KIF14: variants seen among roughly 807,000 people sequenced by gnomAD.
The protein encoded by KIF14 is kinesin family member 14.
A neutral mutation model predicts 176.2 loss-of-function variants in KIF14; 98 were observed. The ratio of observed to expected loss-of-function variants is 0.56; its 90% confidence interval spans 0.47 to 0.66. The LOEUF (loss-of-function observed/expected upper bound fraction) is 0.66. Among genes scored for constraint, KIF14 ranks in the 30% least tolerant of loss-of-function variants. The pLI is 0.00. For missense variants in KIF14, 1,751 were observed against 1,920.4 expected (o/e 0.91, Z 1.65); for synonymous variants, 566 against 632.2 (o/e 0.90, Z 1.57).
intron 4 of KIF14, among the ~76,000 whole-genome samples, 182 bp from the exon 5 acceptor site, chr1:200,609,110 G>T (rs1660028931): frequency 6.6e-6 from 1 of 152,110 alleles, no homozygotes; most frequent in South Asian, 2.1e-4. Flanking sequence ...CTCCAAAGAA[G>T]AACGTACAAA....
intron 14 of KIF14, among the ~76,000 whole-genome samples, chr1:200,596,127 A>G (rs1659326468): frequency 6.6e-6 from 1 of 151,796 alleles, no homozygotes; most frequent in South Asian, 2.1e-4. Flanking sequence ...GGTAACAGAC[A>G]TCTGCAATCC....
At position 200,614,403 on chromosome 1, in the gene KIF14, A is replaced by G; in HGVS notation, c.1370T>C (p.Met457Thr). 1 of 1,559,532 alleles carries G rather than the reference A, an allele frequency of 6.4e-7. No individual in the cohort carries two copies. Among genetic ancestry groups the G allele is most frequent in the East Asian group, 2.2e-5 (1 of 44,544 alleles). ...GQTGSGKSYT[M>T]MGFSEEPGII... ...TCCTGGTTCTTCACTAAATCCCATC[A>G]TCCTGAAAAATACATTATGAATAAG... The change falls in exon 4 of 30, where the codon ATG (methionine) becomes ACG (threonine). Residue 457 changes from methionine to threonine, a missense_variant and splice_region_variant. Physicochemically the swap from Met to Thr is moderately conservative, Grantham distance 81 (BLOSUM62 -1). Transcript: ENST00000367350.
At chr1:200,614,525 T>C (rs1243054824) in intron 3 of KIF14, 120 bp from the exon 4 acceptor site, 2 of 601,126 alleles carry the variant, frequency 3.3e-6, no homozygotes, top group Non-Finnish European at 5.8e-6. Flanking sequence ...TAATTAAGAA[T>C]CTGGACTCTG....
Position 200,568,596 on chromosome 1 carries a change from A to C in KIF14, c.3661+1315T>G, listed in dbSNP as rs1330682599. On this transcript the variant is annotated intron_variant, in intron 23 of 29. Transcript: ENST00000367350. ...TATATCTTAAGTGTACAGCTGATTT[A>C]TATATGTGTAAATCTGTAAACCCCA... Among the ~76,000 whole-genome samples, 6 of 152,296 alleles carry C rather than the reference A, an allele frequency of 3.9e-5. No individual in the cohort carries two copies. The East Asian group carries it at 1.2e-3, about 29-fold the overall frequency.
intron 22 of KIF14, among the ~76,000 whole-genome samples, chr1:200,574,968 A>C (rs1278801083): frequency 9.0e-6 from 1 of 111,698 alleles, no homozygotes; most frequent in African/African-American, 3.4e-5. Context: ...TTTGAGACGG[A>C]ATCTCGCTCT....
At position 200,600,429 on chromosome 1, in the gene KIF14, G is replaced by A; in HGVS notation, c.2227C>T (p.Leu743Phe). ...AAGGATGTTATTTCTTGCCGACAGAGCCTGTATCGTTCAGGGTCAATATTC... is the reference window on the plus strand; with the variant it reads ...AAGGATGTTATTTCTTGCCGACAGAACCTGTATCGTTCAGGGTCAATATTC... ...SRNIDPERYR[L>F]CRQEITSLRM... The change falls in exon 12 of 30, where the codon CTC (leucine) becomes TTC (phenylalanine). Residue 743 changes from leucine (L) to phenylalanine (F), a missense_variant. Transcript: ENST00000367350. 6.2e-7 allele frequency: 1 copy of A among 1,613,420 alleles called. No individual in the cohort carries two copies. Among genetic ancestry groups the A allele is most frequent in the Non-Finnish European group, 8.5e-7 (1 of 1,179,388 alleles).
chr1:200,580,414 T>C, intron 20 of KIF14, 31 bp from the exon 21 acceptor site: 1 of 1,393,168 alleles, frequency 7.2e-7, no homozygotes, highest in Non-Finnish European at 9.5e-7. Flanking sequence ...AAAAAGCTTA[T>C]CCTGAAACAT....
Position 200,620,742 on chromosome 1 carries a change from C to T in KIF14, c.-447G>A, listed in dbSNP as rs1571584775. On this transcript the variant is annotated 5_prime_UTR_variant, in exon 1 of 30. Transcript: ENST00000367350. ...CCAGCGCCGGCTCCCCAGAAGGCCGCAATTTGAATGGGCGCCCCGCCTTCT... is the reference window on the plus strand; with the variant it reads ...CCAGCGCCGGCTCCCCAGAAGGCCGTAATTTGAATGGGCGCCCCGCCTTCT... 6.6e-6 allele frequency: 1 copy of T among 152,358 alleles called. No individual in the cohort carries two copies. The highest frequency in any genetic ancestry group is 2.4e-5 in the African/African-American group (1 of 41,462). The allele number at this position is 152,358 out of a possible 1,614,324, so 9.4% of individuals were successfully genotyped here.
intron 14 of KIF14, among the ~76,000 whole-genome samples, chr1:200,597,605 G>A (rs1304280008): frequency 2.0e-5 from 3 of 152,192 alleles, no homozygotes; most frequent in Non-Finnish European, 4.4e-5. Flanking sequence ...GCCAATGGGA[G>A]TAAAAATTCA....
intron 4 of KIF14, among the ~76,000 whole-genome samples, chr1:200,611,881 T>C (rs1216974840): frequency 6.6e-6 from 1 of 152,224 alleles, no homozygotes; most frequent in Non-Finnish European, 1.5e-5. Flanking sequence ...GTCAATATAA[T>C]CTCTATTTTC....
intron 18 of KIF14, 82 bp from the exon 19 acceptor site, chr1:200,586,309 A>G: frequency 8.1e-7 from 1 of 1,241,500 alleles, no homozygotes; most frequent in East Asian, 2.5e-5. Flanking sequence ...GATGATGGAT[A>G]TGTTAATTTG....
chr1:200,605,240 AGGGT>A (rs1659816189), intron 8 of KIF14, 39 bp downstream of exon 8: 1 of 1,524,020 alleles, frequency 6.6e-7, no homozygotes, highest in African/African-American at 1.4e-5. Context: ...GGTTATCACC[AGGGT>A]GAAAACTGAA....
At chr1:200,602,147 T>A in intron 10 of KIF14, 79 bp from the exon 11 acceptor site, 1 of 1,150,284 alleles carries the variant, frequency 8.7e-7, no homozygotes, top group Non-Finnish European at 1.3e-6. Flanking sequence ...CAAAACAAAC[T>A]AATAGGGTAT....
intron 14 of KIF14, among the ~76,000 whole-genome samples, chr1:200,594,781 A>G (rs912643544): frequency 6.6e-6 from 1 of 152,260 alleles, no homozygotes; most frequent in Non-Finnish European, 1.5e-5. Flanking sequence ...ATTAGGCTCC[A>G]AGATCTGTGA....
intron 21 of KIF14, among the ~76,000 whole-genome samples, chr1:200,577,982 T>C (rs561798551): frequency 6.6e-6 from 1 of 151,992 alleles, no homozygotes; most frequent in Admixed American, 6.5e-5. Context: ...GGCCAGTTTG[T>C]TGATGAACGT....
chr1:200,605,985 C>A, intron 6 of KIF14, 91 bp from the exon 7 acceptor site: 1 of 648,014 alleles, frequency 1.5e-6, no homozygotes, highest in East Asian at 3.0e-5. Context: ...TACATATTTA[C>A]GCTGAAGATC....
rs35571944 is a variant in KIF14 at position 200,575,522 on chromosome 1, T to TACACACAC, written c.3566+61_3566+68dup. 57 of 625,980 alleles carry TACACACAC rather than the reference T, an allele frequency of 9.1e-5. No homozygotes were observed. In the African/African-American group the frequency reaches 9.7e-4, roughly 11 times the overall value. 38.8% of individuals were successfully genotyped at this position (625,980 alleles called of 1,614,324 possible). On this transcript the variant is annotated intron_variant, in intron 22 of 29. Transcript: ENST00000367350. Reference sequence around the variant, plus strand: ...GAAATAATATATATGATATACAATTTACACACACACACACACACACACATG... The same window carrying TACACACAC: ...GAAATAATATATATGATATACAATTTACACACACACACACACACACACACACACACATG...
At chr1:200,582,787 T>C (rs1232823773) in intron 19 of KIF14, among the ~76,000 whole-genome samples, 1 of 151,718 alleles carries the variant, frequency 6.6e-6, no homozygotes, top group Non-Finnish European at 1.5e-5. Context: ...GAGACAGAAG[T>C]TGCAGTGAGC....
At chr1:200,575,723 A>AT (rs1321200496) in intron 21 of KIF14, 32 bp from the exon 22 acceptor site, 1 of 1,269,622 alleles carries the variant, frequency 7.9e-7, no homozygotes, top group African/African-American at 1.5e-5. Flanking sequence ...GTTTCAGTAA[A>AT]TTTGGGGTGA....
Sources: allele counts gnomAD v4.1 joint callset (sites outside exome capture counted in the v4.1 genomes callset), GRCh38; gene constraint gnomAD v4.1.1; transcripts MANE v1.5; gene names NCBI Gene and HGNC (gene_info 2026-07-23, HGNC 2026-07-21).